NSUN7: variants seen among roughly 807,000 people sequenced by gnomAD.
The protein encoded by NSUN7 is protein NSUN7.
A neutral mutation model predicts 58.5 loss-of-function variants in NSUN7; 39 were observed. That is an observed-to-expected ratio of 0.67 (90% confidence interval 0.52 to 0.87). The LOEUF is 0.87. Among genes scored for constraint, NSUN7 ranks in the 40% least tolerant of loss-of-function variants. The probability of loss-of-function intolerance (pLI) is 0.00; values close to 1 mark genes in which losing one functional copy is unlikely to be tolerated. For synonymous variants in NSUN7, 278 were observed against 303.7 expected (o/e 0.92, Z 0.88); for missense variants, 765 against 844.1 (o/e 0.91, Z 1.16).
chr4:40,789,355 G>A (rs56115691), intron 7 of NSUN7, among the ~76,000 whole-genome samples: 2,551 of 152,250 alleles, frequency 0.017, 70 homozygotes, highest in African/African-American at 0.059. Flanking sequence ...TGTAAAGTAA[G>A]ACTGATCAGT....
In NSUN7 at chr4:40,807,270, A is replaced by G. The variant is rs531181985; in HGVS notation, c.1524+86A>G. 8.2e-4 allele frequency: 1,031 copies of G among 1,259,760 alleles called. 9 individuals carry two copies. Among genetic ancestry groups the G allele is most frequent in the South Asian group, 7.8e-3 (533 of 68,356 alleles). The allele number at this position is 1,259,760 out of a possible 1,614,324, so 78.0% of individuals were successfully genotyped here. A position where few individuals can be genotyped will look rare whatever the true frequency, so the allele number is the denominator to read the frequency against. On this transcript the variant is annotated intron_variant, in intron 11 of 11. Coordinates refer to ENST00000381782, the MANE Select transcript of NSUN7 (RefSeq NM_024677.6). ...TAAGAGGAAGCCAGGAACTTTGCAC[A>G]TTCTGTAAAGATGTGTTTGCATTTC...
chr4:40,751,120 T>A (rs1740810135), intron 2 of NSUN7, 129 bp downstream of exon 2: 4 of 961,116 alleles, frequency 4.2e-6, no homozygotes, highest in Non-Finnish European at 4.6e-6. Context: ...TGCATATCTT[T>A]GGTTAATTGC....
At chr4:40,795,800 TA>T (rs1743300828) in intron 9 of NSUN7, among the ~76,000 whole-genome samples, 1 of 152,164 alleles carries the variant, frequency 6.6e-6, no homozygotes, top group Non-Finnish European at 1.5e-5. Context: ...GGGATTAGAG[TA>T]AAAACAAATA....
intron 4 of NSUN7, among the ~76,000 whole-genome samples, chr4:40,766,499 G>T (rs1414337772): frequency 2.6e-5 from 4 of 152,106 alleles, no homozygotes; most frequent in African/African-American, 9.7e-5. Flanking sequence ...TTTTATTGAG[G>T]ATTTTCGCAT....
chr4:40,761,291 C>A lies in NSUN7; in HGVS notation c.478C>A (p.Leu160Ile). Residue 160 changes from leucine to isoleucine, a missense_variant, in exon 4 of 12, where the codon CTT becomes ATT. By Grantham distance (5) the Leu-to-Ile change is conservative. Coordinates refer to ENST00000381782, the MANE Select transcript of NSUN7 (RefSeq NM_024677.6). ...PISEVQEVEN[L>I]LNSFKIKLAA... Reference sequence around the variant, plus strand: ...ATCAGAAGTTCAAGAAGTAGAGAACCTTCTTAACAGGTAATCGTAAAAGTG... The same window carrying A: ...ATCAGAAGTTCAAGAAGTAGAGAACATTCTTAACAGGTAATCGTAAAAGTG... The A allele has an allele frequency of 6.3e-7, 1 of 1,598,346 alleles. No homozygotes were observed. Among genetic ancestry groups the A allele is most frequent in the Non-Finnish European group, 8.5e-7 (1 of 1,175,238 alleles).
chr4:40,776,502 T>G (rs1473810432), intron 7 of NSUN7: 2 of 296,248 alleles, frequency 6.8e-6, no homozygotes, highest in East Asian at 5.8e-5. Flanking sequence ...TCACATAATT[T>G]GAGGCTCAAA....
At chr4:40,769,981 G>A (rs892135857) in intron 4 of NSUN7, among the ~76,000 whole-genome samples, 2 of 151,904 alleles carry the variant, frequency 1.3e-5, no homozygotes, top group African/African-American at 2.4e-5. Context: ...AGGCCGAGGC[G>A]GGTGGATCTC....
chr4:40,765,589 TTAAAG>T (rs1333176677), intron 4 of NSUN7, among the ~76,000 whole-genome samples: 1 of 152,148 alleles, frequency 6.6e-6, no homozygotes, highest in Non-Finnish European at 1.5e-5. Context: ...CATATGAACT[TTAAAG>T]TAGTTTTTTC....
intron 4 of NSUN7, among the ~76,000 whole-genome samples, chr4:40,769,606 T>A (rs895762873): frequency 6.6e-6 from 1 of 152,206 alleles, no homozygotes; most frequent in East Asian, 1.9e-4. Flanking sequence ...GCCAGGTGAT[T>A]TACATTGACT....
intron 7 of NSUN7, among the ~76,000 whole-genome samples, chr4:40,780,888 C>T (rs561861709): frequency 1.5e-3 from 212 of 137,338 alleles, no homozygotes; most frequent in African/African-American, 5.5e-3. Context: ...GGCATGATCT[C>T]GACTCACTGC....
rs1479399441 is a variant in NSUN7 at position 40,808,946 on chromosome 4, T to G, written c.*7T>G. ...TCCTCGGCGATGGCTTTGATTGTCT[T>G]GTGTTTTTTATAGGGGCCAAAGAGC... On this transcript the variant is annotated 3_prime_UTR_variant, in exon 12 of 12. Coordinates refer to ENST00000381782, the MANE Select transcript of NSUN7 (RefSeq NM_024677.6). The G allele has an allele frequency of 2.7e-6, 4 of 1,505,828 alleles. No individual in the cohort carries two copies. Among genetic ancestry groups the G allele is most frequent in the East Asian group, 2.5e-5 (1 of 40,382 alleles). The allele number at this position is 1,505,828 out of a possible 1,614,324, so 93.3% of individuals were successfully genotyped here.
intron 7 of NSUN7, among the ~76,000 whole-genome samples, chr4:40,779,976 TC>T (rs1407222065): frequency 3.3e-5 from 5 of 151,374 alleles, no homozygotes; most frequent in Non-Finnish European, 5.9e-5. Context: ...GGAATATGAG[TC>T]TAAAAAAAGA....
rs755730885 is a variant in NSUN7, at chr4:40,808,396, A to T, written c.1614A>T (p.Ser538=). The T allele has an allele frequency of 7.4e-6, 12 of 1,614,188 alleles. No homozygotes were observed. Among genetic ancestry groups the T allele is most frequent in the Non-Finnish European group, 1.0e-5 (12 of 1,180,034 alleles). The part of the protein sequence containing the change: ...GLLDGIELGK[S]SKREKKKKKS... ...TGGATGGGATTGAGTTGGGTAAATC[A>T]TCAAAACGGGAGAAGAAGAAGAAAA... is the stretch of plus-strand genomic sequence containing the variant. The change falls in exon 12 of 12, where the codon TCA becomes TCT. Residue 538 remains serine (S), a synonymous_variant. Transcript: ENST00000381782.
intron 2 of NSUN7, among the ~76,000 whole-genome samples, chr4:40,754,667 A>G (rs974991714): frequency 6.6e-6 from 1 of 152,356 alleles, no homozygotes; most frequent in South Asian, 2.1e-4. Flanking sequence ...TTATTGTGAA[A>G]ATTAAAGAGA....
At chr4:40,771,178 A>G (rs912403766) in intron 4 of NSUN7, among the ~76,000 whole-genome samples, 2 of 152,214 alleles carry the variant, frequency 1.3e-5, no homozygotes, top group African/African-American at 4.8e-5. Flanking sequence ...GGCTACAGGA[A>G]GGGCGGTGAT....
At chr4:40,753,000 C>CT (rs1740915538) in intron 2 of NSUN7, among the ~76,000 whole-genome samples, 1 of 152,056 alleles carries the variant, frequency 6.6e-6, no homozygotes, top group South Asian at 2.1e-4. Context: ...CATTTTTATA[C>CT]TTTTTTTCTC....
chr4:40,779,802 A>G (rs1295518672), intron 7 of NSUN7, among the ~76,000 whole-genome samples: 2 of 152,270 alleles, frequency 1.3e-5, no homozygotes, highest in Admixed American at 1.3e-4. Context: ...TTTAGAGGAA[A>G]GAAAAATAGA....
intron 7 of NSUN7, among the ~76,000 whole-genome samples, chr4:40,784,541 T>C (rs1333406546): frequency 1.3e-5 from 2 of 152,232 alleles, no homozygotes; most frequent in Admixed American, 6.5e-5. Flanking sequence ...TGATTACATT[T>C]TGGGGGAAGA....
intron 7 of NSUN7, chr4:40,786,153 C>T (rs1340152869): frequency 1.4e-5 from 22 of 1,611,774 alleles, no homozygotes; most frequent in Non-Finnish European, 1.6e-5. Flanking sequence ...TCCTGTCCAA[C>T]CTGCCTTCAT....
Sources: allele counts gnomAD v4.1 joint callset (sites outside exome capture counted in the v4.1 genomes callset), GRCh38; gene constraint gnomAD v4.1.1; transcripts MANE v1.5; gene names NCBI Gene and HGNC (gene_info 2026-07-23, HGNC 2026-07-21).